The following SORCS3 variants were observed in gnomAD, a reference collection of about 807,000 sequenced individuals.
The protein encoded by SORCS3 is VPS10 domain-containing receptor SorCS3.
In SORCS3, 57 loss-of-function variants were observed where a neutral mutation model predicts 146.3. The observed-to-expected ratio is 0.39, with a 90% CI of 0.31 to 0.49. The LOEUF (loss-of-function observed/expected upper bound fraction) is 0.49. SORCS3 is among the 20% of genes least tolerant of loss of function. The probability of loss-of-function intolerance (pLI) is 0.92; values close to 1 mark genes in which losing one functional copy is unlikely to be tolerated. For synonymous variants in SORCS3, 653 were observed against 618.5 expected, an observed-to-expected ratio of 1.06 and a Z score of -0.83; for missense variants, 1,341 against 1,575.5, an observed-to-expected ratio of 0.85 and a Z score of 2.52.
chr10:105,238,177 G>A (rs2056803930), intron 20 of SORCS3, among the ~76,000 whole-genome samples: 1 of 152,126 alleles, frequency 6.6e-6, no homozygotes, highest in African/African-American at 2.4e-5. Flanking sequence ...TCTATCAGTG[G>A]GCAATGTGAA....
intron 3 of SORCS3, among the ~76,000 whole-genome samples, chr10:104,930,122 G>A (rs1377991347): frequency 6.6e-6 from 1 of 152,100 alleles, no homozygotes; most frequent in Non-Finnish European, 1.5e-5. Context: ...TTAACAGAGT[G>A]ATTGAAATAA....
At chr10:104,827,765 A>G (rs1042423745) in intron 1 of SORCS3, among the ~76,000 whole-genome samples, 1 of 152,178 alleles carries the variant, frequency 6.6e-6, no homozygotes, top group African/African-American at 2.4e-5. Flanking sequence ...GTTTACATTG[A>G]AAATCGATTA....
chr10:105,226,440 C>T (rs563785548), intron 20 of SORCS3, among the ~76,000 whole-genome samples: 1 of 151,924 alleles, frequency 6.6e-6, no homozygotes, highest in East Asian at 1.9e-4. Flanking sequence ...TTCTGACGTG[C>T]TGTTGGATTC....
At chr10:104,688,845 G>A (rs1245989699) in intron 1 of SORCS3, among the ~76,000 whole-genome samples, 3 of 152,160 alleles carry the variant, frequency 2.0e-5, no homozygotes, top group African/African-American at 7.2e-5. Context: ...CCAGTTATTG[G>A]CAGCAAGTCC....
intron 4 of SORCS3, among the ~76,000 whole-genome samples, chr10:105,008,528 C>T (rs892810720): frequency 8.5e-5 from 13 of 152,156 alleles, no homozygotes; most frequent in Admixed American, 4.6e-4. Context: ...GAGAATTCCA[C>T]AGTGAGGTGC....
chr10:104,656,841 T>C (rs1299590165), intron 1 of SORCS3, among the ~76,000 whole-genome samples: 1 of 152,116 alleles, frequency 6.6e-6, no homozygotes, highest in Non-Finnish European at 1.5e-5. Context: ...GTTGATGGCT[T>C]GGATGGTGGT....
chr10:104,798,192 G>A (rs2017580607), intron 1 of SORCS3, among the ~76,000 whole-genome samples: 1 of 152,174 alleles, frequency 6.6e-6, no homozygotes, highest in South Asian at 2.1e-4. Flanking sequence ...AAAGGTGGGA[G>A]CTCTAAGGTA....
At chr10:105,147,435 G>A (rs1021983674) in intron 8 of SORCS3, among the ~76,000 whole-genome samples, 182 bp from the exon 9 acceptor site, 3 of 152,098 alleles carry the variant, frequency 2.0e-5, no homozygotes, top group Non-Finnish European at 4.4e-5. Flanking sequence ...CTGTCACTTA[G>A]CAAGGAACAG....
At chr10:104,979,958 G>C (rs940595715) in intron 4 of SORCS3, among the ~76,000 whole-genome samples, 2 of 152,142 alleles carry the variant, frequency 1.3e-5, no homozygotes, top group Admixed American at 6.5e-5. Context: ...TGGGTTAGAG[G>C]CAACAGACTA....
rs188831715 is a variant in SORCS3, at chr10:104,949,979, T to C, written c.796-27356T>C. On this transcript the variant is annotated intron_variant, in intron 3 of 26. Transcript: ENST00000369701. ...ACAATAAGTTTAATTTGTAATCAGTTTTGGCTTAAGCTGCATAAGTCTACC... is the reference window on the plus strand; with the variant it reads ...ACAATAAGTTTAATTTGTAATCAGTCTTGGCTTAAGCTGCATAAGTCTACC... 6.2e-4 allele frequency among the ~76,000 whole-genome samples: 94 copies of C among 152,344 alleles called. No homozygotes were observed. The East Asian group carries it at 8.5e-3, about 14-fold the overall frequency.
At chr10:105,175,806 T>A (rs551441771) in intron 13 of SORCS3, among the ~76,000 whole-genome samples, 11 of 152,312 alleles carry the variant, frequency 7.2e-5, no homozygotes, top group South Asian at 2.1e-4. Flanking sequence ...CATGAAGATG[T>A]TTATGGCAGA....
intron 1 of SORCS3, among the ~76,000 whole-genome samples, chr10:104,678,238 C>T (rs1045168252): frequency 8.8e-5 from 13 of 148,006 alleles, no homozygotes; most frequent in African/African-American, 2.5e-4. Flanking sequence ...AGGAGGTTCT[C>T]GTTATTTGGG....
intron 1 of SORCS3, among the ~76,000 whole-genome samples, chr10:104,825,281 C>T (rs1321662868): frequency 6.6e-6 from 1 of 152,174 alleles, no homozygotes; most frequent in African/African-American, 2.4e-5. Context: ...ATCCTCACAA[C>T]AACTGAATGA....
At chr10:105,033,455 A>G (rs570691753) in intron 4 of SORCS3, among the ~76,000 whole-genome samples, 3 of 152,266 alleles carry the variant, frequency 2.0e-5, no homozygotes, top group African/African-American at 7.2e-5. Flanking sequence ...GGTTATCTCT[A>G]AGGCCATGTT....
At chr10:105,182,645 A>G (rs1028850524) in intron 14 of SORCS3, among the ~76,000 whole-genome samples, 10 of 152,102 alleles carry the variant, frequency 6.6e-5, no homozygotes, top group African/African-American at 1.9e-4. Context: ...AAATAATTAG[A>G]TAATGATTAA....
chr10:105,087,514 CG>C (rs1458790700), intron 5 of SORCS3, among the ~76,000 whole-genome samples: 8 of 147,596 alleles, frequency 5.4e-5, no homozygotes, highest in African/African-American at 2.0e-4. Flanking sequence ...AGAAAGAAAC[CG>C]GGTGGCTTCA....
intron 1 of SORCS3, among the ~76,000 whole-genome samples, chr10:104,832,234 G>A (rs1212200555): frequency 6.6e-6 from 1 of 152,140 alleles, no homozygotes; most frequent in Non-Finnish European, 1.5e-5. Context: ...AAATTAATAA[G>A]AGGCATAATA....
intron 2 of SORCS3, among the ~76,000 whole-genome samples, chr10:104,874,448 TTG>T (rs2018550225): frequency 6.6e-6 from 1 of 152,170 alleles, no homozygotes. Flanking sequence ...GCCCTCTGCA[TTG>T]TGTATACTGA....
intron 3 of SORCS3, among the ~76,000 whole-genome samples, chr10:104,940,230 ATATATATAT>A (rs1465300659): frequency 1.7e-3 from 41 of 23,936 alleles, no homozygotes; most frequent in African/African-American, 5.8e-3. Context: ...ATATATATAT[ATATATATAT>A]TTTTTTTTTT....
Sources: gnomAD v4.1 joint callset for allele counts (sites outside exome capture counted in the v4.1 genomes callset) on GRCh38, gnomAD v4.1.1 for gene constraint, MANE v1.5 for transcripts, NCBI Gene and HGNC (gene_info 2026-07-23, HGNC 2026-07-21) for gene names.